Variants in STX8 observed in about 807,000 individuals in gnomAD.
STX8 encodes syntaxin-8.
Under a neutral mutation model 37.5 loss-of-function variants are expected in STX8, and 23 were observed. The ratio of observed to expected loss-of-function variants is 0.61; its 90% CI spans 0.44 to 0.87. The LOEUF (loss-of-function observed/expected upper bound fraction) is 0.87, where lower values mean the gene tolerates loss of function less well. Ranked by LOEUF, STX8 falls within the 40% of genes least tolerant of loss-of-function variation. The probability of loss-of-function intolerance (pLI) is 0.00; values close to 1 mark genes in which losing one functional copy is unlikely to be tolerated. For missense variants in STX8, 313 were observed against 284.7 expected (o/e 1.10, Z -0.71); for synonymous variants, 115 against 99.1 (o/e 1.16, Z -0.95).
intron 6 of STX8, among the ~76,000 whole-genome samples, chr17:9,484,394 A>C (rs954926801): frequency 6.6e-6 from 1 of 151,992 alleles, no homozygotes; most frequent in Non-Finnish European, 1.5e-5. Flanking sequence ...CAAAAAAAAA[A>C]AAAAAAAAGT....
At chr17:9,499,540 A>G (rs1173267960) in intron 5 of STX8, among the ~76,000 whole-genome samples, 2 of 152,090 alleles carry the variant, frequency 1.3e-5, no homozygotes, top group South Asian at 2.1e-4. Flanking sequence ...CTGGGACTAC[A>G]GGCGCCCGCC....
intron 6 of STX8, among the ~76,000 whole-genome samples, chr17:9,482,878 C>T (rs1215340952): frequency 6.6e-6 from 1 of 152,176 alleles, no homozygotes; most frequent in African/African-American, 2.4e-5. Flanking sequence ...CGCGCCACTG[C>T]ACTACAGCCT....
intron 7 of STX8, among the ~76,000 whole-genome samples, chr17:9,340,649 A>ATT (rs66679333): frequency 0.29 from 18,049 of 61,852 alleles, 3,974 homozygotes; most frequent in East Asian, 0.44. Context: ...GTTGCACTTG[A>ATT]TTTTTTTTTT....
intron 5 of STX8, among the ~76,000 whole-genome samples, chr17:9,499,458 G>T (rs1427698326): frequency 3.3e-5 from 5 of 152,182 alleles, no homozygotes; most frequent in African/African-American, 1.2e-4. Context: ...GAGTGTAGTA[G>T]CACAATCTCG....
chr17:9,437,250 T>G (rs1171303957), intron 6 of STX8, among the ~76,000 whole-genome samples: 2 of 152,218 alleles, frequency 1.3e-5, no homozygotes, highest in Non-Finnish European at 2.9e-5. Flanking sequence ...CAACATTGAT[T>G]GGCTTGCTCA....
At chr17:9,256,504 A>C (rs907659452) in intron 7 of STX8, among the ~76,000 whole-genome samples, 14 of 152,240 alleles carry the variant, frequency 9.2e-5, no homozygotes, top group African/African-American at 3.4e-4. Flanking sequence ...AGCTTTCGCA[A>C]GGATCCATTC....
At chr17:9,546,796 A>G (rs548506672) in intron 3 of STX8, among the ~76,000 whole-genome samples, 2 of 150,116 alleles carry the variant, frequency 1.3e-5, no homozygotes, top group South Asian at 2.1e-4. Context: ...ACAGGTTTTC[A>G]CCATGTTGGC....
chr17:9,340,038 A>G lies in STX8; in HGVS notation c.643+38514T>C, dbSNP rs78997488. Among the ~76,000 whole-genome samples the G allele has an allele frequency of 2.0e-3, 302 of 152,402 alleles. 1 individual carries two copies. The highest frequency in any genetic ancestry group is 4.4e-3 in the Admixed American group (68 of 15,306). Reference sequence around the variant, plus strand: ...GCTGACGCAACCGCGGGATCCTCCCATAGCACAGCATTGCTGAAGGGATTC... The same window carrying G: ...GCTGACGCAACCGCGGGATCCTCCCGTAGCACAGCATTGCTGAAGGGATTC... On this transcript the variant is annotated intron_variant, in intron 7 of 7. Transcript: ENST00000306357.
intron 6 of STX8, among the ~76,000 whole-genome samples, chr17:9,441,325 A>G (rs2142386744): frequency 6.6e-6 from 1 of 151,978 alleles, no homozygotes; most frequent in African/African-American, 2.4e-5. Flanking sequence ...CCCTGTCTCT[A>G]CTAAAAATAC....
intron 6 of STX8, among the ~76,000 whole-genome samples, chr17:9,468,492 C>A (rs1178152912): frequency 6.6e-6 from 1 of 152,224 alleles, no homozygotes; most frequent in African/African-American, 2.4e-5. Flanking sequence ...GACTTGTATT[C>A]TAGTTAACTC....
chr17:9,313,882 G>A (rs1909282695), intron 7 of STX8, among the ~76,000 whole-genome samples: 1 of 152,056 alleles, frequency 6.6e-6, no homozygotes, highest in African/African-American at 2.4e-5. Context: ...CACCTGCCTC[G>A]GCCTCCTAAA....
intron 5 of STX8, among the ~76,000 whole-genome samples, chr17:9,496,518 T>C (rs113644774): frequency 0.012 from 1,896 of 152,362 alleles, 37 homozygotes; most frequent in African/African-American, 0.044. Context: ...TATTCTATTT[T>C]ACAATGATTT....
chr17:9,336,574 T>A (rs540248549), intron 7 of STX8, among the ~76,000 whole-genome samples: 5 of 152,184 alleles, frequency 3.3e-5, no homozygotes. Context: ...TTGCTGGGAC[T>A]GCAGGCGCCC....
At chr17:9,491,267 C>G (rs983624336) in intron 6 of STX8, among the ~76,000 whole-genome samples, 1 of 149,980 alleles carries the variant, frequency 6.7e-6, no homozygotes, top group African/African-American at 2.5e-5. Context: ...TTTCTTCCCC[C>G]TTTCTGCCCC....
chr17:9,409,723 T>C (rs914885019), intron 6 of STX8, among the ~76,000 whole-genome samples: 14 of 152,154 alleles, frequency 9.2e-5, no homozygotes, highest in Admixed American at 8.5e-4. Flanking sequence ...TTACATGAAG[T>C]CGTGTTTTGA....
chr17:9,359,646 T>C (rs1054343879), intron 7 of STX8, among the ~76,000 whole-genome samples: 13 of 151,548 alleles, frequency 8.6e-5, no homozygotes, highest in African/African-American at 3.2e-4. Flanking sequence ...TAGCTGGGAC[T>C]ACAAGCGCCG....
intron 7 of STX8, among the ~76,000 whole-genome samples, chr17:9,265,241 A>G (rs1207322665): frequency 6.6e-6 from 1 of 152,178 alleles, no homozygotes; most frequent in Non-Finnish European, 1.5e-5. Context: ...TGTCCTAAAG[A>G]GTCAAAGTGA....
chr17:9,288,859 A>C (rs936197083), intron 7 of STX8, among the ~76,000 whole-genome samples: 3 of 152,150 alleles, frequency 2.0e-5, no homozygotes, highest in African/African-American at 7.2e-5. Context: ...AGAAAAGAGA[A>C]AACACAGGAG....
chr17:9,364,302 T>C (rs1440005135), intron 7 of STX8, among the ~76,000 whole-genome samples: 1 of 152,190 alleles, frequency 6.6e-6, no homozygotes, highest in Non-Finnish European at 1.5e-5. Context: ...GCAGGTCTCC[T>C]AAGAGCTTTA....
Sources: allele counts gnomAD v4.1 joint callset (sites outside exome capture counted in the v4.1 genomes callset), GRCh38; gene constraint gnomAD v4.1.1; transcripts MANE v1.5; gene names NCBI Gene and HGNC (gene_info 2026-07-23, HGNC 2026-07-21).